Variants in CDH23 observed in about 807,000 individuals in gnomAD.
The protein encoded by CDH23 is cadherin related 23.
In CDH23, 189 loss-of-function variants were observed where a neutral mutation model predicts 317.1. The observed-to-expected ratio is 0.60, with a 90% CI of 0.53 to 0.67. The LOEUF is 0.67. Ranked by LOEUF, CDH23 falls within the 30% of genes least tolerant of loss-of-function variation. The pLI is 0.00. For synonymous variants in CDH23, 1,839 were observed against 1,876.8 expected (o/e 0.98, Z 0.52); for missense variants, 4,401 against 4,592.4 (o/e 0.96, Z 1.20).
At chr10:71,549,673 G>T (rs899853611) in intron 6 of CDH23, among the ~76,000 whole-genome samples, 11 of 152,220 alleles carry the variant, frequency 7.2e-5, no homozygotes, top group African/African-American at 2.2e-4. Flanking sequence ...CAGAACAGAG[G>T]AGAGGCAGCC....
Position 71,704,139 on chromosome 10 carries a change from C to T in CDH23, c.2734-772C>T, listed in dbSNP as rs374666728. 2.0e-4 allele frequency among the ~76,000 whole-genome samples: 31 copies of T among 152,344 alleles called. 1 individual carries two copies. The South Asian group carries it at 4.8e-3, about 23-fold the overall frequency. ...ATTCAAGCTGAGTCCAGACACCTCTCGTCCAGTTTGCTGGATGTGAAATAG... is the reference window on the plus strand; with the variant it reads ...ATTCAAGCTGAGTCCAGACACCTCTTGTCCAGTTTGCTGGATGTGAAATAG... On this transcript the variant is annotated intron_variant, in intron 24 of 69. Transcript: ENST00000224721.
chr10:71,635,075 G>A (rs944183922), intron 11 of CDH23, among the ~76,000 whole-genome samples: 2 of 152,244 alleles, frequency 1.3e-5, no homozygotes, highest in Non-Finnish European at 2.9e-5. Context: ...AGGAACAGGA[G>A]TGGGTACAGA....
chr10:71,785,072 G>C lies in CDH23; in HGVS notation c.5684G>C (p.Arg1895Pro). Residue 1895 changes from arginine to proline, a missense_variant, in exon 43 of 70, where the codon CGC becomes CCC. By Grantham distance (103) the Arg-to-Pro change is moderately radical. Transcript: ENST00000224721. ...ACCTTCAACATCACTGCGGGCAACC[G>C]CGAGCGGGCCTTCTTCATCAATGCC... ...RLTFNITAGN[R>P]ERAFFINATT... The C allele has an allele frequency of 6.2e-7, 1 of 1,614,062 alleles. No homozygotes were observed. The highest frequency in any genetic ancestry group is 1.3e-5 in the African/African-American group (1 of 75,086).
intron 9 of CDH23, among the ~76,000 whole-genome samples, chr10:71,597,905 C>T (rs907493701): frequency 6.6e-6 from 1 of 152,166 alleles, no homozygotes; most frequent in Non-Finnish European, 1.5e-5. Context: ...TCCCGCCCCA[C>T]CCCCACCCTC....
intron 14 of CDH23, among the ~76,000 whole-genome samples, chr10:71,662,247 A>G (rs1346386177): frequency 6.6e-6 from 1 of 152,044 alleles, no homozygotes; most frequent in African/African-American, 2.4e-5. Flanking sequence ...TGGAATCAAT[A>G]TGGTTCATTA....
chr10:71,475,527 C>G lies in CDH23; in HGVS notation c.145+29132C>G, dbSNP rs112748285. Among the ~76,000 whole-genome samples the G allele has an allele frequency of 2.7e-3, 405 of 152,286 alleles. 2 individuals carry two copies. Among genetic ancestry groups the G allele is most frequent in the African/African-American group, 9.2e-3 (382 of 41,564 alleles). On this transcript the variant is annotated intron_variant, in intron 3 of 69. Coordinates refer to ENST00000224721, the MANE Select transcript of CDH23 (RefSeq NM_022124.6). ...GGCTGAGCCAACTTTGGGGGAAGAG[C>G]CTTCAGGCGTGACAGATTTGACTAT...
intron 14 of CDH23, among the ~76,000 whole-genome samples, chr10:71,650,687 G>A (rs1418443654): frequency 6.6e-6 from 1 of 152,214 alleles, no homozygotes; most frequent in Non-Finnish European, 1.5e-5. Flanking sequence ...CATGGATGAT[G>A]CTGGTGGCTC....
chr10:71,731,190 G>A (rs969139318), intron 31 of CDH23, among the ~76,000 whole-genome samples: 2 of 152,360 alleles, frequency 1.3e-5, no homozygotes, highest in South Asian at 2.1e-4. Flanking sequence ...GGCCTGGGCT[G>A]TCTGGCCTGT....
chr10:71,766,011 C>T (rs1461696867), intron 38 of CDH23, among the ~76,000 whole-genome samples: 1 of 152,142 alleles, frequency 6.6e-6, no homozygotes, highest in African/African-American at 2.4e-5. Context: ...GGAGGACACT[C>T]GAAGGCATGG....
chr10:71,702,669 T>G lies in CDH23; in HGVS notation c.2708T>G (p.Ile903Ser). The change falls in exon 24 of 70, where the codon ATC (isoleucine) becomes AGC (serine). Residue 903 changes from isoleucine to serine, a missense_variant. Physicochemically the swap from Ile to Ser is moderately radical, Grantham distance 142. This residue lies in a region of CDH23 where 3,068 missense variants were observed against 3,203.3 expected (regional missense o/e 0.96). Coordinates refer to ENST00000224721, the MANE Select transcript of CDH23 (RefSeq NM_022124.6). ...TTTGTGGCCGAGGTGCTTGAAGGCA[T>G]CCCGGCGGGGGTCTCCATCTACCAA... Reference protein sequence around the residue: ...LPFVAEVLEGIPAGVSIYQVV... With the variant: ...LPFVAEVLEGSPAGVSIYQVV... The G allele has an allele frequency of 6.2e-7, 1 of 1,613,826 alleles. No individual in the cohort carries two copies. Among genetic ancestry groups the G allele is most frequent in the Non-Finnish European group, 8.5e-7 (1 of 1,179,880 alleles).
chr10:71,446,857 G>A (rs1331970058), intron 3 of CDH23, among the ~76,000 whole-genome samples: 1 of 152,212 alleles, frequency 6.6e-6, no homozygotes, highest in Non-Finnish European at 1.5e-5. Flanking sequence ...GTCTGTCCCA[G>A]TGTCTGGCCC....
At chr10:71,631,169 G>A (rs1377825629) in intron 11 of CDH23, among the ~76,000 whole-genome samples, 2 of 152,312 alleles carry the variant, frequency 1.3e-5, no homozygotes, top group Admixed American at 6.5e-5. Context: ...GCTTCAGCCC[G>A]GAGATTTAGG....
chr10:71,695,823 C>CTT (rs1865367116), intron 22 of CDH23, among the ~76,000 whole-genome samples: 1 of 152,188 alleles, frequency 6.6e-6, no homozygotes, highest in Non-Finnish European at 1.5e-5. Flanking sequence ...GTGAGCCACA[C>CTT]GTGCCCTTAG....
chr10:71,617,627 T>C (rs1458446191), intron 11 of CDH23: 3 of 1,119,548 alleles, frequency 2.7e-6, no homozygotes, highest in Non-Finnish European at 3.6e-6. Context: ...GTGTGGTTAT[T>C]ATTTAGAAGT....
chr10:71,455,753 AT>A (rs1449932378), intron 3 of CDH23, among the ~76,000 whole-genome samples: 2 of 152,274 alleles, frequency 1.3e-5, no homozygotes, highest in Admixed American at 6.5e-5. Flanking sequence ...AAGAGCCTGT[AT>A]TTTCCACCTG....
chr10:71,604,274 T>A (rs1860401927), intron 9 of CDH23, among the ~76,000 whole-genome samples: 1 of 152,170 alleles, frequency 6.6e-6, no homozygotes, highest in Non-Finnish European at 1.5e-5. Context: ...GGTGAGATCC[T>A]GTCTCTAAAA....
chr10:71,813,473 T>C (rs1842012534), intron 69 of CDH23, 125 bp downstream of exon 69: 1 of 828,422 alleles, frequency 1.2e-6, no homozygotes, highest in Non-Finnish European at 2.0e-6. Flanking sequence ...AAGACAGCAA[T>C]GGGTGGGGGC....
chr10:71,399,836 G>C (rs933456007), intron 1 of CDH23, among the ~76,000 whole-genome samples: 1 of 152,000 alleles, frequency 6.6e-6, no homozygotes, highest in Admixed American at 6.6e-5. Context: ...GAGGGGGCAG[G>C]GTTTCCGGAA....
rs1324354382 is a variant in CDH23, at chr10:71,811,375, C to T, written c.9138C>T (p.Asn3046=). 5.0e-6 allele frequency: 8 copies of T among 1,613,976 alleles called. No homozygotes were observed. The highest frequency in any genetic ancestry group is 2.2e-5 in the East Asian group (1 of 44,868). ...EQLRNLFRNY[N]VLDVQPAISV... ...TACGGAATCTTTTCCGGAACTACAA[C>T]GTCCTGGACGTGCAGCCTGCCATCT... Residue 3046 remains asparagine (N), a synonymous_variant, in exon 63 of 70, where the codon AAC becomes AAT. Transcript: ENST00000224721.
Sources: allele counts gnomAD v4.1 joint callset (sites outside exome capture counted in the v4.1 genomes callset), GRCh38; gene constraint gnomAD v4.1.1; regional missense constraint gnomAD v4.1.1; transcripts MANE v1.5; gene names NCBI Gene and HGNC (gene_info 2026-07-23, HGNC 2026-07-21).